ADAMTS2: variants seen among roughly 807,000 people sequenced by gnomAD.
The protein encoded by ADAMTS2 is A disintegrin and metalloproteinase with thrombospondin motifs 2.
In ADAMTS2, 50 loss-of-function variants were observed where a neutral mutation model predicts 123.0. That is an observed-to-expected ratio of 0.41 (90% CI 0.32 to 0.51). The LOEUF (loss-of-function observed/expected upper bound fraction) is 0.51. Ranked by LOEUF, ADAMTS2 falls within the 20% of genes least tolerant of loss-of-function variation. The probability of loss-of-function intolerance (pLI) is 0.35; values close to 1 mark genes in which losing one functional copy is unlikely to be tolerated. For synonymous variants in ADAMTS2, 678 were observed against 695.4 expected (o/e 0.98, Z 0.39); for missense variants, 1,494 against 1,705.2 (o/e 0.88, Z 2.18).
intron 3 of ADAMTS2, among the ~76,000 whole-genome samples, chr5:179,214,321 C>A (rs1764925828): frequency 6.6e-6 from 1 of 152,138 alleles, no homozygotes; most frequent in Admixed American, 6.5e-5. Flanking sequence ...TCAGAGATAA[C>A]AATAAAACCC....
At chr5:179,305,640 A>T (rs888014061) in intron 2 of ADAMTS2, among the ~76,000 whole-genome samples, 3 of 152,222 alleles carry the variant, frequency 2.0e-5, no homozygotes, top group Non-Finnish European at 4.4e-5. Flanking sequence ...TAAGAGTAAA[A>T]ATCAATGAAA....
rs565612753 is a variant in ADAMTS2, at chr5:179,193,293, C to T, written c.892-12138G>A. Among the ~76,000 whole-genome samples the T allele has an allele frequency of 9.8e-5, 15 of 152,328 alleles. No homozygotes were observed. In the East Asian group the frequency reaches 1.2e-3, roughly 12 times the overall value. On this transcript the variant is annotated intron_variant, in intron 4 of 21. Coordinates refer to ENST00000251582, the MANE Select transcript of ADAMTS2 (RefSeq NM_014244.5). ...GTGAACAACTGCTCGCCTCGCTGGT[C>T]GGCTCTGATCTTCTCCGCCTACGCC... is the stretch of plus-strand genomic sequence containing the variant.
Position 179,253,878 on chromosome 5 carries a change from A to G in ADAMTS2, c.688+19033T>C, listed in dbSNP as rs145986816. 3.5e-3 allele frequency among the ~76,000 whole-genome samples: 526 copies of G among 152,290 alleles called. 7 individuals are homozygous for G. Among genetic ancestry groups the G allele is most frequent in the African/African-American group, 0.012 (500 of 41,562 alleles). ...TCGGCTCCAGTCCAGTCCCTGCACC[A>G]GCTGCTCATGGGCCTTTCTCTCTGG... On this transcript the variant is annotated intron_variant, in intron 3 of 21. Coordinates refer to ENST00000251582, the MANE Select transcript of ADAMTS2 (RefSeq NM_014244.5).
rs1219794479 is a variant in ADAMTS2, at chr5:179,217,424, T to G, written c.689-9709A>C. ...GAAAATCAGAAGGAAGAGAGCAGGC[T>G]GGGGAGATAAATGGCTTTTGTTTCT... is the stretch of plus-strand genomic sequence containing the variant. On this transcript the variant is annotated intron_variant, in intron 3 of 21. Coordinates refer to ENST00000251582, the MANE Select transcript of ADAMTS2 (RefSeq NM_014244.5). 2.0e-5 allele frequency among the ~76,000 whole-genome samples: 3 copies of G among 152,196 alleles called. No individual in the cohort carries two copies. The East Asian group carries it at 5.8e-4, about 29-fold the overall frequency.
At chr5:179,152,691 C>G (rs1763385332) in intron 9 of ADAMTS2, among the ~76,000 whole-genome samples, 1 of 152,154 alleles carries the variant, frequency 6.6e-6, no homozygotes. Flanking sequence ...GCTTCCTGTC[C>G]TGATAGCACT....
chr5:179,337,235 G>A (rs1388463372), intron 2 of ADAMTS2, among the ~76,000 whole-genome samples: 2 of 151,964 alleles, frequency 1.3e-5, no homozygotes, highest in African/African-American at 4.8e-5. Flanking sequence ...GAGGGGGCTG[G>A]GGTCCTCCTC....
At chr5:179,294,501 G>A (rs1377001840) in intron 2 of ADAMTS2, among the ~76,000 whole-genome samples, 2 of 152,324 alleles carry the variant, frequency 1.3e-5, no homozygotes, top group South Asian at 2.1e-4. Flanking sequence ...CAGGGATGCT[G>A]AGCACCCATG....
intron 2 of ADAMTS2, among the ~76,000 whole-genome samples, chr5:179,283,945 G>GATGATT (rs1554095053): frequency 8.3e-6 from 1 of 120,532 alleles, no homozygotes; most frequent in African/African-American, 3.4e-5. Context: ...ATGGTCAGAT[G>GATGATT]ATTATTATTA....
chr5:179,310,402 C>A (rs1053404120), intron 2 of ADAMTS2, among the ~76,000 whole-genome samples: 1 of 152,230 alleles, frequency 6.6e-6, no homozygotes, highest in African/African-American at 2.4e-5. Context: ...CCGAAGCCCC[C>A]CCATAGGCTG....
At position 179,162,155 on chromosome 5, in the gene ADAMTS2, C is replaced by A. The variant is rs755374122; in HGVS notation, c.976-3276G>T. Among the ~76,000 whole-genome samples the A allele has an allele frequency of 1.3e-5, 2 of 152,196 alleles. No individual in the cohort carries two copies. The highest frequency in any genetic ancestry group is 6.5e-5 in the Admixed American group (1 of 15,286). ...CTAAGCCCCATGTAGTGGGACGGTC[C>A]CTTCCGATGCCCTGGTGGGTTGCGG... On this transcript the variant is annotated intron_variant, in intron 5 of 21. Coordinates refer to ENST00000251582, the MANE Select transcript of ADAMTS2 (RefSeq NM_014244.5). The surrounding 1 kb of genome is among the most constrained non-coding windows in gnomAD (Gnocchi z 5.1).
intron 3 of ADAMTS2, among the ~76,000 whole-genome samples, chr5:179,239,600 A>C (rs553538145): frequency 2.0e-5 from 3 of 152,238 alleles, no homozygotes; most frequent in African/African-American, 7.2e-5. Context: ...GTGGAGGGGC[A>C]GTTGGAATAT....
Position 179,266,585 on chromosome 5 carries a change from C to A in ADAMTS2, c.688+6326G>T, listed in dbSNP as rs998603514. ...TAAAATCCTATTTCAGAGTTCTGAG[C>A]TCCCGAACTGTGAGGAATGCAGGTG... is the stretch of plus-strand genomic sequence containing the variant. On this transcript the variant is annotated intron_variant, in intron 3 of 21. Transcript: ENST00000251582. Among the ~76,000 whole-genome samples the A allele has an allele frequency of 2.0e-5, 3 of 152,232 alleles. No individual in the cohort carries two copies. In the East Asian group the frequency reaches 5.8e-4, roughly 29 times the overall value.
intron 2 of ADAMTS2, among the ~76,000 whole-genome samples, chr5:179,288,158 C>T (rs1159116339): frequency 2.0e-5 from 3 of 152,310 alleles, no homozygotes; most frequent in Admixed American, 1.3e-4. Flanking sequence ...TCTCAGGACC[C>T]CTCCGGCCTC....
intron 2 of ADAMTS2, among the ~76,000 whole-genome samples, chr5:179,298,416 T>C (rs1756405729): frequency 6.6e-6 from 1 of 152,144 alleles, no homozygotes; most frequent in Admixed American, 6.5e-5. Context: ...CCCTCCACTG[T>C]GTGCAAACAC....
intron 2 of ADAMTS2, among the ~76,000 whole-genome samples, chr5:179,296,286 C>T (rs940593157): frequency 6.6e-6 from 1 of 151,874 alleles, no homozygotes; most frequent in Non-Finnish European, 1.5e-5. Flanking sequence ...CGGGAGCAGC[C>T]GGAGCTCAAG....
chr5:179,195,002 C>T (rs894785483), intron 4 of ADAMTS2, among the ~76,000 whole-genome samples: 1 of 152,180 alleles, frequency 6.6e-6, no homozygotes, highest in Admixed American at 6.5e-5. Context: ...GGCCTTTGCG[C>T]GCGCTGTGCC....
intron 3 of ADAMTS2, among the ~76,000 whole-genome samples, chr5:179,235,044 C>T (rs1219564757): frequency 8.5e-5 from 13 of 152,224 alleles, no homozygotes; most frequent in Non-Finnish European, 1.3e-4. Flanking sequence ...AGAATGCCTG[C>T]CCTGCCCTTT....
intron 2 of ADAMTS2, among the ~76,000 whole-genome samples, chr5:179,333,353 C>G (rs554609437): frequency 6.6e-6 from 1 of 152,210 alleles, no homozygotes; most frequent in Non-Finnish European, 1.5e-5. Context: ...TGAGCCCCCA[C>G]TCCCCACAGC....
At chr5:179,295,904 C>A (rs958738911) in intron 2 of ADAMTS2, among the ~76,000 whole-genome samples, 1 of 152,214 alleles carries the variant, frequency 6.6e-6, no homozygotes. Context: ...GGCGTGGAGA[C>A]AGGTGGGGCT....
Sources: gnomAD v4.1 joint callset for allele counts (sites outside exome capture counted in the v4.1 genomes callset) on GRCh38, gnomAD v4.1.1 for gene constraint, Gnocchi (gnomAD v3.1) non-coding constraint, MANE v1.5 for transcripts, NCBI Gene and HGNC (gene_info 2026-07-23, HGNC 2026-07-21) for gene names.